The following QPCTL variants were observed in gnomAD, a reference collection of about 807,000 sequenced individuals.
QPCTL encodes glutaminyl-peptide cyclotransferase-like protein.
Under a neutral mutation model 34.6 loss-of-function variants are expected in QPCTL, and 31 were observed. That is an observed-to-expected ratio of 0.90 (90% CI 0.67 to 1.21). The LOEUF (loss-of-function observed/expected upper bound fraction) is 1.21, where lower values mean the gene tolerates loss of function less well. QPCTL is among the 50% of genes most tolerant of loss of function. The pLI, the probability that QPCTL is intolerant of heterozygous loss-of-function variation, is 0.00. For synonymous variants in QPCTL, 223 were observed against 226.9 expected, an observed-to-expected ratio of 0.98 and a Z score of 0.15; for missense variants, 474 against 507.8, an observed-to-expected ratio of 0.93 and a Z score of 0.64.
At chr19:45,699,030 T>TA in intron 5 of QPCTL, 130 bp downstream of exon 5, 89 of 483,676 alleles carry the variant, frequency 1.8e-4, no homozygotes, top group East Asian at 3.4e-4. Context: ...GGAGACCCCA[T>TA]CTTTTTTTTT....
In QPCTL at chr19:45,695,596, TCGAAGCTCTTCCCACCCGGATCGA is replaced by T; in HGVS notation, c.513_536del (p.Lys172_Thr179del). 6.2e-7 allele frequency: 1 copy of T among 1,614,056 alleles called. No individual in the cohort carries two copies. Among genetic ancestry groups the T allele is most frequent in the South Asian group, 1.1e-5 (1 of 91,092 alleles). ...CCTCACCCTTGCCTGCCATTATGAC[TCGAAGCTCTTCCCACCCGGATCGA>T]CCCCCTTTGTAGGGGCCACGGATTC... On this transcript the variant is annotated inframe_deletion, in exon 3 of 7. Coordinates refer to ENST00000012049, the MANE Select transcript of QPCTL (RefSeq NM_017659.4).
At chr19:45,696,922 A>C (rs2146127298) in intron 3 of QPCTL, among the ~76,000 whole-genome samples, 1 of 151,898 alleles carries the variant, frequency 6.6e-6, no homozygotes, top group Admixed American at 6.6e-5. Context: ...CAGAAGTTCG[A>C]GCCCAGCTTG....
In QPCTL at chr19:45,698,865, G is replaced by T; in HGVS notation, c.851G>T (p.Arg284Leu). ...CCCACCTTCTACAGCCACTTCCCTC[G>T]CACGGTCCGCTGGTTCCATCGGCTG... ...PNPTFYSHFPRTVRWFHRLRS... is the reference protein window; with the variant it reads ...PNPTFYSHFPLTVRWFHRLRS... Residue 284 changes from arginine (R) to leucine (L), a missense_variant, in exon 5 of 7, where the codon CGC (arginine) becomes CTC (leucine). Arg to Leu is a moderately radical substitution (Grantham distance 102). Transcript: ENST00000012049. 1 of 1,613,888 alleles carries T rather than the reference G, an allele frequency of 6.2e-7. No homozygotes were observed. The highest frequency in any genetic ancestry group is 8.5e-7 in the Non-Finnish European group (1 of 1,179,930).
chr19:45,697,425 CAAAAAAAA>C (rs36004965), intron 3 of QPCTL, among the ~76,000 whole-genome samples: 7 of 129,590 alleles, frequency 5.4e-5, no homozygotes, highest in Non-Finnish European at 8.1e-5. Flanking sequence ...GACTCCGTCT[CAAAAAAAA>C]AAAAAAGAAA....
intron 3 of QPCTL, among the ~76,000 whole-genome samples, chr19:45,697,888 C>A (rs1246459997): frequency 1.3e-5 from 2 of 152,010 alleles, no homozygotes; most frequent in Non-Finnish European, 2.9e-5. Context: ...CAGAGATAAC[C>A]CTTATTTAGT....
In QPCTL at chr19:45,698,889, T is replaced by C; in HGVS notation, c.875T>C (p.Leu292Pro). Residue 292 changes from leucine to proline, a missense_variant, in exon 5 of 7, where the codon CTG becomes CCG. Coordinates refer to ENST00000012049, the MANE Select transcript of QPCTL (RefSeq NM_017659.4). ...FPRTVRWFHR[L>P]RSIEKRLHRL... Reference sequence around the variant, plus strand: ...CGCACGGTCCGCTGGTTCCATCGGCTGAGGAGCATTGGTAAGGGTGAATGC... The same window carrying C: ...CGCACGGTCCGCTGGTTCCATCGGCCGAGGAGCATTGGTAAGGGTGAATGC... 1 of 1,613,614 alleles carries C rather than the reference T, an allele frequency of 6.2e-7. No homozygotes were observed. Among genetic ancestry groups the C allele is most frequent in the Non-Finnish European group, 8.5e-7 (1 of 1,179,652 alleles).
Position 45,695,709 on chromosome 19 carries a change from C to CA in QPCTL, c.630dup (p.Gln211ThrfsTer15). On this transcript the variant is annotated frameshift_variant, in exon 3 of 7. Coordinates refer to ENST00000012049, the MANE Select transcript of QPCTL (RefSeq NM_017659.4). LOFTEE classifies it high-confidence loss of function. The stretch of plus-strand genomic sequence containing the variant: ...CACTTGACCTGGAGCTGAGCAGGGC[C>CA]AAAAAACAGGTGAGGAGCAGGAGTC... The CA allele has an allele frequency of 6.2e-7, 1 of 1,606,958 alleles. No homozygotes were observed.
rs1467362931 is a variant in QPCTL, at chr19:45,698,250, AAAAAAAC to A, written c.634-283_634-277del. 2.6e-5 allele frequency among the ~76,000 whole-genome samples: 4 copies of A among 151,806 alleles called. No homozygotes were observed. In the East Asian group the frequency reaches 5.8e-4, roughly 22 times the overall value. On this transcript the variant is annotated intron_variant, in intron 3 of 6. Coordinates refer to ENST00000012049, the MANE Select transcript of QPCTL (RefSeq NM_017659.4). ...GGGTGACAGAGCAAGATTTATTCTA[AAAAAAAC>A]AAAAAACAAAAAAAAAACAAAAAAC...
At chr19:45,696,920 C>T (rs745844436) in intron 3 of QPCTL, among the ~76,000 whole-genome samples, 5 of 149,980 alleles carry the variant, frequency 3.3e-5, no homozygotes, top group African/African-American at 7.4e-5. Flanking sequence ...GTCAGAAGTT[C>T]GAGCCCAGCT....
intron 3 of QPCTL, among the ~76,000 whole-genome samples, chr19:45,695,924 G>A (rs1035411047): frequency 8.6e-5 from 13 of 151,060 alleles, no homozygotes; most frequent in South Asian, 2.1e-4. Context: ...TTGGCTCCCC[G>A]CAACCTCTGC....
chr19:45,698,868 C>T lies in QPCTL; in HGVS notation c.854C>T (p.Thr285Met), dbSNP rs193023866. The T allele has an allele frequency of 7.4e-6, 12 of 1,614,000 alleles. No homozygotes were observed. The highest frequency in any genetic ancestry group is 1.0e-5 in the Non-Finnish European group (12 of 1,179,968). ...NPTFYSHFPR[T>M]VRWFHRLRSI... The stretch of plus-strand genomic sequence containing the variant: ...ACCTTCTACAGCCACTTCCCTCGCA[C>T]GGTCCGCTGGTTCCATCGGCTGAGG... The change falls in exon 5 of 7, where the codon ACG becomes ATG. Residue 285 changes from threonine to methionine, a missense_variant. Transcript: ENST00000012049.
chr19:45,695,382 C>T, intron 2 of QPCTL, 55 bp from the exon 3 acceptor site: 4 of 1,516,492 alleles, frequency 2.6e-6, no homozygotes, highest in Non-Finnish European at 3.6e-6. Flanking sequence ...CGTGGCCCTT[C>T]TCCCCACCTC....
chr19:45,702,456 A>G (rs552517238), intron 6 of QPCTL, among the ~76,000 whole-genome samples: 13 of 149,066 alleles, frequency 8.7e-5, no homozygotes, highest in Middle Eastern at 3.5e-3. Context: ...GAGGGTGATG[A>G]TATCTCAAAA....
intron 5 of QPCTL, 143 bp from the exon 6 acceptor site, chr19:45,701,655 C>T: frequency 1.6e-6 from 1 of 643,786 alleles, no homozygotes; most frequent in Non-Finnish European, 2.8e-6. Flanking sequence ...ATAGTGAGCC[C>T]ACAGGAAGGA....
intron 3 of QPCTL, among the ~76,000 whole-genome samples, chr19:45,697,211 G>A (rs1298497559): frequency 6.6e-6 from 1 of 152,056 alleles, no homozygotes; most frequent in Admixed American, 6.6e-5. Context: ...TGGATCGTGA[G>A]GTCAGGAGAT....
chr19:45,698,728 G>C (rs757421293), intron 4 of QPCTL, 29 bp downstream of exon 4: 2 of 1,613,630 alleles, frequency 1.2e-6, no homozygotes. Context: ...GGCTTCTGGC[G>C]AGGGAGGGAG....
rs966971557 is a variant in QPCTL, at chr19:45,692,678, G to A, written c.-26G>A. ...TGGGCCTAAACTCAATCCGTGGTCT[G>A]GTACAGGTTTCAGGGCAAAGCGGCC... On this transcript the variant is annotated 5_prime_UTR_variant, in exon 1 of 7. Transcript: ENST00000012049. 1.3e-6 allele frequency: 2 copies of A among 1,501,560 alleles called. No individual in the cohort carries two copies. Among genetic ancestry groups the A allele is most frequent in the African/African-American group, 2.8e-5 (2 of 70,310 alleles). 93.0% of individuals were successfully genotyped at this position (1,501,560 alleles called of 1,614,324 possible).
chr19:45,695,740 G>A lies in QPCTL; in HGVS notation c.633+22G>A, dbSNP rs570190830. On this transcript the variant is annotated intron_variant, in intron 3 of 6. Transcript: ENST00000012049. ...ACAGGTGAGGAGCAGGAGTCGGGGA[G>A]GGTAGTGGGCTACCTCCACCTTTTC... 19 of 1,569,086 alleles carry A rather than the reference G, an allele frequency of 1.2e-5. No individual in the cohort carries two copies. The South Asian group carries it at 1.7e-4, about 14-fold the overall frequency.
At chr19:45,699,786 G>C (rs1967774368) in intron 5 of QPCTL, among the ~76,000 whole-genome samples, 1 of 151,986 alleles carries the variant, frequency 6.6e-6, no homozygotes. Flanking sequence ...CAAAAAGTTA[G>C]CTGGGCGTGG....
Sources: gnomAD v4.1 joint callset for allele counts (sites outside exome capture counted in the v4.1 genomes callset) on GRCh38, gnomAD v4.1.1 for gene constraint, MANE v1.5 for transcripts, NCBI Gene and HGNC (gene_info 2026-07-23, HGNC 2026-07-21) for gene names.